The following PSD4 variants were observed in gnomAD, a reference collection of about 807,000 sequenced individuals.
The protein encoded by PSD4 is PH and SEC7 domain-containing protein 4.
Under a neutral mutation model 112.5 loss-of-function variants are expected in PSD4, and 59 were observed. The ratio of observed to expected loss-of-function variants is 0.52; its 90% CI spans 0.43 to 0.65. The LOEUF (loss-of-function observed/expected upper bound fraction) is 0.65. PSD4 is among the 30% of genes least tolerant of loss of function. The probability of loss-of-function intolerance (pLI) is 0.00; values close to 1 mark genes in which losing one functional copy is unlikely to be tolerated. For missense variants in PSD4, 1,267 were observed against 1,352.6 expected, an observed-to-expected ratio of 0.94 and a Z score of 0.99; for synonymous variants, 533 against 540.0, an observed-to-expected ratio of 0.99 and a Z score of 0.18.
intron 5 of PSD4, among the ~76,000 whole-genome samples, chr2:113,189,277 T>C (rs1217624884): frequency 6.6e-6 from 1 of 151,282 alleles, no homozygotes; most frequent in Non-Finnish European, 1.5e-5. Flanking sequence ...GAATCATATA[T>C]ATATATATTC....
chr2:113,185,304 TC>T, intron 3 of PSD4, 60 bp from the exon 4 acceptor site: 1 of 1,600,560 alleles, frequency 6.2e-7, no homozygotes, highest in East Asian at 2.2e-5. Flanking sequence ...GCCTGGCCTC[TC>T]CCCCATCCAC....
chr2:113,198,881 C>T lies in PSD4; in HGVS notation c.2766C>T (p.Ser922=). 1.3e-6 allele frequency: 2 copies of T among 1,582,942 alleles called. No individual in the cohort carries two copies. Among genetic ancestry groups the T allele is most frequent in the East Asian group, 4.6e-5 (2 of 43,602 alleles). ...PILPVGPAQS[S]LEEQHRSHEN... is the part of the protein sequence containing the mutation. ...TGCCCGTGGGCCCCGCCCAGAGCTCCCTGGTACGGCCTCCGGGAAGGGGTG... is the reference window on the plus strand; with the variant it reads ...TGCCCGTGGGCCCCGCCCAGAGCTCTCTGGTACGGCCTCCGGGAAGGGGTG... The change falls in exon 15 of 17, where the codon TCC becomes TCT. Residue 922 remains serine, a synonymous_variant. Transcript: ENST00000245796.
intron 12 of PSD4, 65 bp from the exon 13 acceptor site, chr2:113,197,499 G>T: frequency 6.4e-7 from 1 of 1,571,864 alleles, no homozygotes; most frequent in Non-Finnish European, 8.7e-7. Context: ...ACACTTGCGT[G>T]TGTCTGAGTG....
chr2:113,188,096 C>T (rs1372473959), intron 5 of PSD4, among the ~76,000 whole-genome samples: 1 of 152,018 alleles, frequency 6.6e-6, no homozygotes, highest in Non-Finnish European at 1.5e-5. Context: ...AAGAGAATTA[C>T]TCGAAAAATC....
At chr2:113,194,375 G>A (rs1043710219) in intron 10 of PSD4, among the ~76,000 whole-genome samples, 1 of 152,216 alleles carries the variant, frequency 6.6e-6, no homozygotes, top group Non-Finnish European at 1.5e-5. Context: ...TTCTTCCTGA[G>A]AGTATTAACC....
At position 113,202,781 on chromosome 2, in the gene PSD4, T is replaced by C. The variant is rs964416474; in HGVS notation, c.*1366T>C. On this transcript the variant is annotated 3_prime_UTR_variant, in exon 17 of 17. Transcript: ENST00000245796. ...GCTAGGCCACCCTCCTCCCTTCCCA[T>C]GCTTGTAACCAGCTCTGGGGCTTGC... 1.4e-4 allele frequency: 21 copies of C among 152,456 alleles called. No individual in the cohort carries two copies. Among genetic ancestry groups the C allele is most frequent in the African/African-American group, 4.6e-4 (19 of 41,480 alleles). 9.4% of individuals were successfully genotyped at this position (152,456 alleles called of 1,614,324 possible).
Position 113,207,007 on chromosome 2 carries a change from G to C in PSD4, c.*5592G>C, listed in dbSNP as rs1223121496. 1 of 152,032 alleles carries C rather than the reference G, an allele frequency of 6.6e-6. No individual in the cohort carries two copies. The highest frequency in any genetic ancestry group is 1.5e-5 in the Non-Finnish European group (1 of 68,028). 9.4% of individuals were successfully genotyped at this position (152,032 alleles called of 1,614,324 possible). A position where few individuals can be genotyped will look rare whatever the true frequency, so the allele number is the denominator to read the frequency against. ...CCTTTTCTCTCTTGTTCTTTTGGGG[G>C]CTCCATCTCCCAGGCCTATGAGCAG... On this transcript the variant is annotated 3_prime_UTR_variant, in exon 17 of 17. Transcript: ENST00000245796.
chr2:113,200,641 G>A (rs553509434), intron 16 of PSD4, among the ~76,000 whole-genome samples: 1 of 152,222 alleles, frequency 6.6e-6, no homozygotes, highest in Non-Finnish European at 1.5e-5. Flanking sequence ...GATCCAATGG[G>A]ATGGAGGGTG....
chr2:113,193,885 G>A lies in PSD4; in HGVS notation c.2118G>A (p.Gln706=). The change falls in exon 10 of 17, where the codon CAG becomes CAA. Residue 706 remains glutamine, a synonymous_variant. Coordinates refer to ENST00000245796, the MANE Select transcript of PSD4 (RefSeq NM_012455.3). ...GQNIGKSMSC[Q]EFITNLNGLR... ...ACATTGGGAAGAGCATGAGCTGCCAGGAATTCATAACCAACCTGAATGGGC... is the reference window on the plus strand; with the variant it reads ...ACATTGGGAAGAGCATGAGCTGCCAAGAATTCATAACCAACCTGAATGGGC... 6.2e-7 allele frequency: 1 copy of A among 1,614,158 alleles called. No homozygotes were observed. The highest frequency in any genetic ancestry group is 1.1e-5 in the South Asian group (1 of 91,084).
At chr2:113,193,522 A>G (rs1688515146) in intron 8 of PSD4, 70 bp from the exon 9 acceptor site, 1 of 1,532,670 alleles carries the variant, frequency 6.5e-7, no homozygotes, top group South Asian at 1.1e-5. Context: ...TACCCCACGC[A>G]GTGTGGGCAG....
At chr2:113,181,895 A>G (rs922622506) in intron 1 of PSD4, among the ~76,000 whole-genome samples, 37 of 152,108 alleles carry the variant, frequency 2.4e-4, no homozygotes, top group Admixed American at 7.9e-4. Context: ...AGTCTGTTGC[A>G]TTCTCCTCAC....
intron 15 of PSD4, 64 bp downstream of exon 15, chr2:113,198,948 C>T (rs769815444): frequency 4.2e-5 from 64 of 1,534,948 alleles, no homozygotes; most frequent in Non-Finnish European, 5.6e-5. Context: ...AGCCCCAGGA[C>T]TAACTCGGGG....
intron 2 of PSD4, 23 bp from the exon 3 acceptor site, chr2:113,184,934 C>T: frequency 6.2e-7 from 1 of 1,613,572 alleles, no homozygotes; most frequent in African/African-American, 1.3e-5. Flanking sequence ...CTTCTCTCCT[C>T]TGTCTCTCTC....
At position 113,208,688 on chromosome 2, in the gene PSD4, CT is replaced by C. The variant is rs1383756912; in HGVS notation, c.*7275del. 6.6e-6 allele frequency: 1 copy of C among 152,226 alleles called. No individual in the cohort carries two copies. Among genetic ancestry groups the C allele is most frequent in the Non-Finnish European group, 1.5e-5 (1 of 68,050 alleles). 9.4% of individuals were successfully genotyped at this position (152,226 alleles called of 1,614,324 possible). ...AGAAGAGATGCTTTCCCTGTGCAGG[CT>C]TGCTGACAGTCTTGCCCACCACTCC... On this transcript the variant is annotated 3_prime_UTR_variant, in exon 17 of 17. Transcript: ENST00000245796.
Position 113,199,125 on chromosome 2 carries a change from G to C in PSD4, c.2812G>C (p.Ala938Pro). 6.5e-7 allele frequency: 1 copy of C among 1,531,086 alleles called. No homozygotes were observed. Among genetic ancestry groups the C allele is most frequent in the Non-Finnish European group, 8.8e-7 (1 of 1,140,922 alleles). The allele number at this position is 1,531,086 out of a possible 1,614,324, so 94.8% of individuals were successfully genotyped here. A position where few individuals can be genotyped will look rare whatever the true frequency, so the allele number is the denominator to read the frequency against. Residue 938 changes from alanine to proline, a missense_variant, in exon 16 of 17, where the codon GCG becomes CCG. Ala to Pro is a conservative substitution (Grantham distance 27, BLOSUM62 -1). Around this residue, in one of 2 missense-constraint regions of PSD4, gnomAD observed 544 missense variants for 648.6 expected, o/e 0.84. Transcript: ENST00000245796. The part of the protein sequence containing the change: ...RSHENCLDAA[A>P]DDLLDLQRNL... ...CCACGAGAACTGCCTGGACGCTGCC[G>C]CGGACGACCTGCTGGATCTACAGAG...
At chr2:113,192,900 C>T (rs1688492460) in intron 6 of PSD4, 148 bp from the exon 7 acceptor site, 2 of 758,360 alleles carry the variant, frequency 2.6e-6, no homozygotes, top group Non-Finnish European at 4.3e-6. Flanking sequence ...TGCCCCCTTG[C>T]TCTGTCAGGA....
intron 7 of PSD4, 31 bp downstream of exon 7, chr2:113,193,159 T>C: frequency 1.2e-6 from 2 of 1,609,394 alleles, no homozygotes; most frequent in Non-Finnish European, 1.7e-6. Flanking sequence ...CTGGGGAGGC[T>C]GTGGAGGATG....
At chr2:113,198,259 T>G (rs946028948) in intron 14 of PSD4, 2 of 289,732 alleles carry the variant, frequency 6.9e-6, no homozygotes, top group Non-Finnish European at 1.3e-5. Flanking sequence ...CTTCTCAGAT[T>G]GTCCTCTTTA....
At chr2:113,181,100 C>T (rs1017180439) in intron 1 of PSD4, among the ~76,000 whole-genome samples, 6 of 151,742 alleles carry the variant, frequency 4.0e-5, no homozygotes, top group Non-Finnish European at 7.4e-5. Context: ...TGGTGGTAGA[C>T]GCCTATAATT....
Sources: gnomAD v4.1 joint callset for allele counts (sites outside exome capture counted in the v4.1 genomes callset) on GRCh38, gnomAD v4.1.1 for gene constraint, gnomAD v4.1.1 regional missense constraint, MANE v1.5 for transcripts, NCBI Gene and HGNC (gene_info 2026-07-23, HGNC 2026-07-21) for gene names.